Variants in MACROD2 observed in about 807,000 individuals in gnomAD.
The protein encoded by MACROD2 is ADP-ribose glycohydrolase MACROD2.
MACROD2 carries 36 observed loss-of-function variants against 70.4 expected under a neutral mutation model. The ratio of observed to expected loss-of-function variants is 0.51; its 90% CI spans 0.39 to 0.68. The LOEUF is 0.68. Ranked by LOEUF, MACROD2 falls within the 30% of genes least tolerant of loss-of-function variation. MACROD2 has a pLI of 0.00. For missense variants in MACROD2, 496 were observed against 538.4 expected, an observed-to-expected ratio of 0.92 and a Z score of 0.78; for synonymous variants, 172 against 178.8, an observed-to-expected ratio of 0.96 and a Z score of 0.30.
At chr20:14,663,046 A>C (rs986921936) in intron 4 of MACROD2, among the ~76,000 whole-genome samples, 1 of 152,154 alleles carries the variant, frequency 6.6e-6, no homozygotes, top group Non-Finnish European at 1.5e-5. Context: ...TGTTCATTAC[A>C]CTACTATTCA....
At chr20:14,030,145 A>G (rs1384721111) in intron 2 of MACROD2, among the ~76,000 whole-genome samples, 1 of 152,032 alleles carries the variant, frequency 6.6e-6, no homozygotes, top group Non-Finnish European at 1.5e-5. Flanking sequence ...CCATCCTTCC[A>G]CTCCTAGCTC....
intron 15 of MACROD2, among the ~76,000 whole-genome samples, chr20:16,022,438 G>T (rs2037304883): frequency 6.6e-6 from 1 of 152,088 alleles, no homozygotes; most frequent in Admixed American, 6.5e-5. Flanking sequence ...TAGTAGAAGA[G>T]GTCCAAGAAC....
intron 3 of MACROD2, among the ~76,000 whole-genome samples, chr20:14,368,087 A>G (rs1322256045): frequency 1.3e-5 from 2 of 152,190 alleles, no homozygotes; most frequent in Non-Finnish European, 2.9e-5. Flanking sequence ...TTGTTTATAC[A>G]TCACATTGCT....
chr20:15,846,911 TTATATA>T (rs33993940), intron 8 of MACROD2, among the ~76,000 whole-genome samples: 3,925 of 136,802 alleles, frequency 0.029, 206 homozygotes, highest in African/African-American at 0.1. Flanking sequence ...AAAAAAAAAA[TTATATA>T]TATATATATA....
rs2078064964 is a variant in MACROD2 at position 15,337,783 on chromosome 20, G to A, written c.541-93622G>A. Among the ~76,000 whole-genome samples the A allele has an allele frequency of 2.0e-5, 3 of 151,838 alleles. No homozygotes were observed. The South Asian group carries it at 6.2e-4, about 32-fold the overall frequency. ...GAGTCTCAATATTACAACAATTACAGTACAGCTTGTAGAACATATAGAAGG... is the reference window on the plus strand; with the variant it reads ...GAGTCTCAATATTACAACAATTACAATACAGCTTGTAGAACATATAGAAGG... On this transcript the variant is annotated intron_variant, in intron 6 of 17. Coordinates refer to ENST00000684519, the MANE Select transcript of MACROD2 (RefSeq NM_001351661.2).
intron 3 of MACROD2, among the ~76,000 whole-genome samples, chr20:14,254,843 G>A (rs1308550908): frequency 1.3e-5 from 2 of 152,132 alleles, no homozygotes; most frequent in East Asian, 3.9e-4. Flanking sequence ...AGCCTCGATG[G>A]TCTTTACAAT....
intron 1 of MACROD2, among the ~76,000 whole-genome samples, chr20:14,001,681 G>T (rs186682276): frequency 6.6e-6 from 1 of 152,256 alleles, no homozygotes; most frequent in Non-Finnish European, 1.5e-5. Flanking sequence ...TAGGTCTTCT[G>T]GGAGGCCTCA....
rs143461624 is a variant in MACROD2, at chr20:15,678,159, A to G, written c.645+178312A>G. Among the ~76,000 whole-genome samples the G allele has an allele frequency of 4.2e-3, 646 of 152,348 alleles. 2 individuals are homozygous for G. Among genetic ancestry groups the G allele is most frequent in the Non-Finnish European group, 7.3e-3 (499 of 68,026 alleles). On this transcript the variant is annotated intron_variant, in intron 8 of 17. Transcript: ENST00000684519. ...ATAACTTGCCTGAGAACACACAAGT[A>G]GTAAATTATAGACTTAAGATTTGAA...
At chr20:15,474,885 C>T (rs1237399376) in intron 7 of MACROD2, among the ~76,000 whole-genome samples, 1 of 152,076 alleles carries the variant, frequency 6.6e-6, no homozygotes, top group Non-Finnish European at 1.5e-5. Flanking sequence ...GCATATGTCT[C>T]CCCACAGCAG....
intron 5 of MACROD2, among the ~76,000 whole-genome samples, chr20:15,157,349 A>ACCCCCC (rs71870874): frequency 8.3e-4 from 91 of 109,260 alleles, no homozygotes; most frequent in South Asian, 2.1e-3. Context: ...CTAATTAACC[A>ACCCCCC]CCCCCCCCCA....
chr20:15,822,344 A>G (rs1483960810), intron 8 of MACROD2, among the ~76,000 whole-genome samples: 1 of 152,192 alleles, frequency 6.6e-6, no homozygotes, highest in African/African-American at 2.4e-5. Flanking sequence ...CTCTAAGCCA[A>G]ATGATATGTG....
intron 5 of MACROD2, among the ~76,000 whole-genome samples, chr20:14,913,833 T>G (rs2074057759): frequency 6.6e-6 from 1 of 152,194 alleles, no homozygotes; most frequent in East Asian, 1.9e-4. Context: ...TAATGTAATC[T>G]TATCATATTC....
At position 14,880,610 on chromosome 20, in the gene MACROD2, G is replaced by A. The variant is rs185068651; in HGVS notation, c.418+195651G>A. On this transcript the variant is annotated intron_variant, in intron 5 of 17. Coordinates refer to ENST00000684519, the MANE Select transcript of MACROD2 (RefSeq NM_001351661.2). ...AATCCTCTGCTCAGCACTATTCAAG[G>A]TTCAGAAGAATTCATGCATTTAGCT... Among the ~76,000 whole-genome samples the A allele has an allele frequency of 7.9e-5, 12 of 152,200 alleles. No homozygotes were observed. The East Asian group carries it at 2.1e-3, about 27-fold the overall frequency.
intron 3 of MACROD2, among the ~76,000 whole-genome samples, chr20:14,109,369 A>G (rs1199552340): frequency 6.6e-6 from 1 of 151,916 alleles, no homozygotes; most frequent in Non-Finnish European, 1.5e-5. Context: ...AGCAAATAAA[A>G]CCCAAAATTA....
At chr20:14,520,577 A>C (rs6079470) in intron 4 of MACROD2, among the ~76,000 whole-genome samples, 24,056 of 151,590 alleles carry the variant, frequency 0.16, 2,167 homozygotes, top group Non-Finnish European at 0.2. Context: ...TACAATCTAC[A>C]TACTAATCCA....
At chr20:14,626,722 A>T (rs1019787312) in intron 4 of MACROD2, among the ~76,000 whole-genome samples, 4 of 152,092 alleles carry the variant, frequency 2.6e-5, no homozygotes, top group Non-Finnish European at 5.9e-5. Context: ...CCTCAGGAGG[A>T]AGTATGGCCA....
chr20:15,517,600 G>A (rs2047586598), intron 8 of MACROD2, among the ~76,000 whole-genome samples: 2 of 152,140 alleles, frequency 1.3e-5, no homozygotes, highest in South Asian at 4.1e-4. Context: ...AATGTTCACT[G>A]AACAAAAAGT....
At chr20:14,241,002 G>A (rs190154208) in intron 3 of MACROD2, among the ~76,000 whole-genome samples, 1 of 152,206 alleles carries the variant, frequency 6.6e-6, no homozygotes, top group Admixed American at 6.5e-5. Flanking sequence ...GGTGGCACGT[G>A]CCTGTAATCC....
At chr20:14,063,872 G>A (rs1003000310) in intron 2 of MACROD2, among the ~76,000 whole-genome samples, 1 of 151,978 alleles carries the variant, frequency 6.6e-6, no homozygotes, top group African/African-American at 2.4e-5. Context: ...AAACTAAGTT[G>A]TGTACCACCA....
Sources: gnomAD v4.1 joint callset for allele counts (sites outside exome capture counted in the v4.1 genomes callset) on GRCh38, gnomAD v4.1.1 for gene constraint, MANE v1.5 for transcripts, NCBI Gene and HGNC (gene_info 2026-07-23, HGNC 2026-07-21) for gene names.